EPHA7: variants seen among roughly 807,000 people sequenced by gnomAD.
EPHA7 encodes ephrin type-A receptor 7.
In EPHA7, 25 loss-of-function variants were observed where a neutral mutation model predicts 112.6. The observed-to-expected ratio is 0.22, with a 90% CI of 0.16 to 0.31. The LOEUF is 0.31. Among genes scored for constraint, EPHA7 ranks in the 10% least tolerant of loss-of-function variants. EPHA7 has a pLI of 1.00. For synonymous variants in EPHA7, 437 were observed against 406.5 expected (o/e 1.07, Z -0.90); for missense variants, 962 against 1,212.6 (o/e 0.79, Z 3.07).
At chr6:93,283,653 A>T (rs1340591460) in intron 5 of EPHA7, among the ~76,000 whole-genome samples, 1 of 152,150 alleles carries the variant, frequency 6.6e-6, no homozygotes, top group Non-Finnish European at 1.5e-5. Flanking sequence ...AGCCAGCGAG[A>T]CCAGGAGCCC....
At chr6:93,309,008 G>A (rs1773398808) in intron 5 of EPHA7, among the ~76,000 whole-genome samples, 1 of 151,832 alleles carries the variant, frequency 6.6e-6, no homozygotes, top group Non-Finnish European at 1.5e-5. Context: ...GAGTGCAATG[G>A]CATGATCTCC....
At chr6:93,255,295 C>T (rs1466482488) in intron 13 of EPHA7, among the ~76,000 whole-genome samples, 1 of 151,978 alleles carries the variant, frequency 6.6e-6, no homozygotes, top group Non-Finnish European at 1.5e-5. Flanking sequence ...CTGCAGTGAG[C>T]CAAGATTGTG....
intron 5 of EPHA7, among the ~76,000 whole-genome samples, chr6:93,314,816 T>G (rs1013215565): frequency 1.3e-5 from 2 of 151,380 alleles, no homozygotes; most frequent in African/African-American, 2.4e-5. Context: ...ATTTATATAT[T>G]AAAAACTTGA....
intron 5 of EPHA7, among the ~76,000 whole-genome samples, chr6:93,338,953 C>A (rs1775009820): frequency 1.3e-5 from 2 of 149,148 alleles, no homozygotes; most frequent in African/African-American, 2.4e-5. Context: ...GAGAGATAAT[C>A]AAATTTTATG....
At chr6:93,330,839 T>C (rs1774555579) in intron 5 of EPHA7, among the ~76,000 whole-genome samples, 2 of 151,472 alleles carry the variant, frequency 1.3e-5, no homozygotes, top group African/African-American at 4.8e-5. Context: ...GGGCAAAATA[T>C]TTACTTTTCT....
chr6:93,357,036 T>C lies in EPHA7; in HGVS notation c.1005A>G (p.Pro335=). Residue 335 remains proline, a synonymous_variant, in exon 5 of 17, where the codon CCA becomes CCG. Transcript: ENST00000369303. ...GGTTGATGTTGAAAATGAGGTTCTG[T>C]GGTGCAGATGGAGGCCCTTGGGAAA... The part of the protein sequence containing the change: ...YVACTRPPSA[P]QNLIFNINQT... 2 of 1,611,082 alleles carry C rather than the reference T, an allele frequency of 1.2e-6. No homozygotes were observed. The highest frequency in any genetic ancestry group is 2.2e-5 in the East Asian group (1 of 44,822).
intron 5 of EPHA7, among the ~76,000 whole-genome samples, chr6:93,325,729 A>G (rs1357729579): frequency 6.6e-6 from 1 of 151,348 alleles, no homozygotes; most frequent in African/African-American, 2.4e-5. Flanking sequence ...TTACGAATCT[A>G]CTGGTATACT....
intron 5 of EPHA7, among the ~76,000 whole-genome samples, chr6:93,349,654 TA>T (rs1775589111): frequency 6.6e-6 from 1 of 151,900 alleles, no homozygotes; most frequent in East Asian, 1.9e-4. Context: ...TTACTTTATA[TA>T]ACCAATAAAT....
chr6:93,399,237 T>C (rs1460094922), intron 3 of EPHA7, among the ~76,000 whole-genome samples: 1 of 152,084 alleles, frequency 6.6e-6, no homozygotes, highest in Non-Finnish European at 1.5e-5. Flanking sequence ...ATTGCTAAAA[T>C]TTGTGTTCTT....
chr6:93,252,695 T>C (rs189724163), intron 14 of EPHA7, among the ~76,000 whole-genome samples: 1 of 152,132 alleles, frequency 6.6e-6, no homozygotes, highest in East Asian at 1.9e-4. Context: ...TATTATCTAA[T>C]AAGAAGAATA....
intron 3 of EPHA7, among the ~76,000 whole-genome samples, chr6:93,389,094 G>A (rs1321500559): frequency 6.6e-6 from 1 of 152,032 alleles, no homozygotes; most frequent in Non-Finnish European, 1.5e-5. Context: ...GATATTTGGA[G>A]AGAGAATCAA....
At chr6:93,374,615 T>G (rs1457219935) in intron 3 of EPHA7, among the ~76,000 whole-genome samples, 1 of 152,218 alleles carries the variant, frequency 6.6e-6, no homozygotes, top group African/African-American at 2.4e-5. Flanking sequence ...TATCTGTGAA[T>G]GCATATGGAT....
chr6:93,299,300 T>TGGGCGACAGAGCG (rs1772843089), intron 5 of EPHA7, among the ~76,000 whole-genome samples: 1 of 149,988 alleles, frequency 6.7e-6, no homozygotes, highest in Non-Finnish European at 1.5e-5. Context: ...CACTCTAGCC[T>TGGGCGACAGAGCG]GGGCGACAGA....
intron 3 of EPHA7, among the ~76,000 whole-genome samples, chr6:93,402,433 A>G (rs1448115741): frequency 2.0e-5 from 3 of 152,060 alleles, no homozygotes; most frequent in Non-Finnish European, 4.4e-5. Context: ...GAAACTAATA[A>G]CAATAGTTGT....
At chr6:93,404,106 T>C (rs1027420253) in intron 3 of EPHA7, among the ~76,000 whole-genome samples, 11 of 151,912 alleles carry the variant, frequency 7.2e-5, no homozygotes, top group East Asian at 1.9e-4. Context: ...GATGAGGAAA[T>C]TTACATGCAA....
intron 3 of EPHA7, among the ~76,000 whole-genome samples, chr6:93,388,534 A>C (rs141808234): frequency 1.7e-3 from 258 of 152,268 alleles, no homozygotes; most frequent in Middle Eastern, 0.014. Context: ...TATGTGAAGG[A>C]TATAAAGAAA....
chr6:93,400,435 T>A (rs1006819315), intron 3 of EPHA7, among the ~76,000 whole-genome samples: 1 of 152,026 alleles, frequency 6.6e-6, no homozygotes, highest in Non-Finnish European at 1.5e-5. Flanking sequence ...TATACAAGTG[T>A]TTTTTAGATG....
At chr6:93,353,559 A>C (rs1361937633) in intron 5 of EPHA7, among the ~76,000 whole-genome samples, 2 of 152,156 alleles carry the variant, frequency 1.3e-5, no homozygotes, top group Non-Finnish European at 2.9e-5. Context: ...CAGATAAAGA[A>C]ATTGGTCCAT....
At chr6:93,407,996 T>C (rs1778799511) in intron 3 of EPHA7, among the ~76,000 whole-genome samples, 1 of 152,014 alleles carries the variant, frequency 6.6e-6, no homozygotes, top group African/African-American at 2.4e-5. Context: ...CATTTTCTTA[T>C]GAATAAATGT....
Sources: gnomAD v4.1 joint callset for allele counts (sites outside exome capture counted in the v4.1 genomes callset) on GRCh38, gnomAD v4.1.1 for gene constraint, MANE v1.5 for transcripts, NCBI Gene and HGNC (gene_info 2026-07-23, HGNC 2026-07-21) for gene names.